OSBPL9: variants seen among roughly 807,000 people sequenced by gnomAD.
OSBPL9 encodes the protein oxysterol-binding protein-related protein 9.
A neutral mutation model predicts 106.6 loss-of-function variants in OSBPL9; 40 were observed. That is an observed-to-expected ratio of 0.38 (90% confidence interval 0.29 to 0.49). OSBPL9 has a LOEUF of 0.49. OSBPL9 is among the 20% of genes least tolerant of loss of function. The pLI is 0.97. For synonymous variants in OSBPL9, 269 were observed against 295.4 expected (o/e 0.91, Z 0.92); for missense variants, 609 against 887.2 (o/e 0.69, Z 3.98).
intron 2 of OSBPL9, among the ~76,000 whole-genome samples, chr1:51,604,851 C>T (rs1643931524): frequency 6.6e-6 from 1 of 151,870 alleles, no homozygotes; most frequent in Non-Finnish European, 1.5e-5. Context: ...CGGGGTTTCA[C>T]ATGTTGGTCA....
Position 51,781,161 on chromosome 1 carries a change from C to T in OSBPL9, c.1257-3C>T, listed in dbSNP as rs1273331166. The T allele has an allele frequency of 6.2e-7, 1 of 1,613,610 alleles. No homozygotes were observed. On this transcript the variant is annotated splice_polypyrimidine_tract_variant and splice_region_variant and intron_variant, in intron 15 of 23. Coordinates refer to ENST00000428468, the MANE Select transcript of OSBPL9 (RefSeq NM_024586.6). ...CATTAAATTTTGTCTTTCTCCCTTG[C>T]AGCATTAGTGACCAGAAGGATCCCA...
At chr1:51,588,372 A>G (rs757870160) in intron 1 of OSBPL9, among the ~76,000 whole-genome samples, 1 of 152,164 alleles carries the variant, frequency 6.6e-6, no homozygotes, top group Admixed American at 6.5e-5. Flanking sequence ...ACAAGAGCAA[A>G]ACTCTGTCTC....
At chr1:51,704,031 A>G (rs368353800) in intron 3 of OSBPL9, among the ~76,000 whole-genome samples, 2 of 152,196 alleles carry the variant, frequency 1.3e-5, no homozygotes, top group Non-Finnish European at 2.9e-5. Flanking sequence ...TGCTGGATTC[A>G]GTTTGCCAGT....
At chr1:51,597,119 T>C (rs551454805) in intron 1 of OSBPL9, among the ~76,000 whole-genome samples, 1 of 152,184 alleles carries the variant, frequency 6.6e-6, no homozygotes, top group Non-Finnish European at 1.5e-5. Context: ...GTTTGTCACA[T>C]TTGAGCATCA....
At chr1:51,710,937 G>A (rs72898067) in intron 3 of OSBPL9, among the ~76,000 whole-genome samples, 19,079 of 152,030 alleles carry the variant, frequency 0.13, 1,318 homozygotes, top group Middle Eastern at 0.22. Context: ...CAGTGCTTCC[G>A]TGCCATGCTC....
chr1:51,562,488 ATTTC>A, the OSBPL9 span, among the ~76,000 whole-genome samples: 7 of 152,174 alleles, frequency 4.6e-5, no homozygotes, highest in Admixed American at 4.6e-4. Flanking sequence ...AGTCTCAGGT[ATTTC>A]TTTATAGCAA....
intron 3 of OSBPL9, among the ~76,000 whole-genome samples, chr1:51,674,421 A>G (rs1650685907): frequency 1.3e-5 from 2 of 152,138 alleles, no homozygotes; most frequent in African/African-American, 2.4e-5. Flanking sequence ...GGTGTTAGCC[A>G]TTGTGCCTCA....
the OSBPL9 span, among the ~76,000 whole-genome samples, chr1:51,542,280 T>C: frequency 6.6e-6 from 1 of 152,186 alleles, no homozygotes; most frequent in Non-Finnish European, 1.5e-5. Flanking sequence ...ATTTAACAAA[T>C]AATAAAACTG....
At chr1:51,713,860 T>C in intron 3 of OSBPL9, 143 bp from the exon 4 acceptor site, 5 of 582,018 alleles carry the variant, frequency 8.6e-6, no homozygotes, top group South Asian at 3.0e-5. Context: ...AAAATATTAA[T>C]AGATCAAGCT....
rs1657317863 is a variant in OSBPL9 at position 51,701,786 on chromosome 1, A to G, written c.242-12217A>G. On this transcript the variant is annotated intron_variant, in intron 3 of 23. Transcript: ENST00000428468. ...AACATTAGGTATATATCCTAATGCTATCCCTCCCCGCTCTGCCCACCCCAC... is the reference window on the plus strand; with the variant it reads ...AACATTAGGTATATATCCTAATGCTGTCCCTCCCCGCTCTGCCCACCCCAC... Among the ~76,000 whole-genome samples the G allele has an allele frequency of 2.6e-5, 4 of 152,006 alleles. 1 individual carries two copies. Among genetic ancestry groups the G allele is most frequent in the Admixed American group, 2.0e-4 (3 of 15,264 alleles).
rs530107114 is a variant in OSBPL9 at position 51,697,524 on chromosome 1, C to G, written c.242-16479C>G. On this transcript the variant is annotated intron_variant, in intron 3 of 23. Transcript: ENST00000428468. ...ATAACCACTTTATTTTGTATACAGGCAGTAATATATTCACAGTTGTTTGTG... is the reference window on the plus strand; with the variant it reads ...ATAACCACTTTATTTTGTATACAGGGAGTAATATATTCACAGTTGTTTGTG... Among the ~76,000 whole-genome samples, 3 of 139,874 alleles carry G rather than the reference C, an allele frequency of 2.1e-5. No individual in the cohort carries two copies. The South Asian group carries it at 6.7e-4, about 31-fold the overall frequency. 91.8% of individuals were successfully genotyped at this position (139,874 alleles called of 152,430 possible). A position where few individuals can be genotyped will look rare whatever the true frequency, so the allele number is the denominator to read the frequency against.
chr1:51,715,892 G>T (rs1660966820), intron 4 of OSBPL9, among the ~76,000 whole-genome samples: 1 of 151,998 alleles, frequency 6.6e-6, no homozygotes, highest in Non-Finnish European at 1.5e-5. Flanking sequence ...CTGCCGACTG[G>T]CCTTTCCTTC....
At chr1:51,543,174 T>C in the OSBPL9 span, among the ~76,000 whole-genome samples, 29 of 152,344 alleles carry the variant, frequency 1.9e-4, no homozygotes, top group Admixed American at 1.8e-3. Context: ...ATTTATTGTA[T>C]CTCAGAGATG....
intron 3 of OSBPL9, among the ~76,000 whole-genome samples, chr1:51,697,161 C>CA (rs1656198208): frequency 7.2e-6 from 1 of 138,086 alleles, no homozygotes; most frequent in Non-Finnish European, 1.6e-5. Flanking sequence ...CCGTATTTCT[C>CA]AAAAAAAGAA....
chr1:51,722,404 G>A (rs1662326826), intron 4 of OSBPL9, among the ~76,000 whole-genome samples: 1 of 152,172 alleles, frequency 6.6e-6, no homozygotes. Context: ...AAGTGGTACT[G>A]AAAGGCTCAT....
intron 8 of OSBPL9, among the ~76,000 whole-genome samples, chr1:51,752,070 C>G (rs768074045): frequency 1.3e-5 from 2 of 151,938 alleles, no homozygotes; most frequent in African/African-American, 4.8e-5. Context: ...TAAATGAGAC[C>G]GTGTCACTTG....
At chr1:51,777,196 G>C (rs541350635) in intron 15 of OSBPL9, among the ~76,000 whole-genome samples, 1 of 152,240 alleles carries the variant, frequency 6.6e-6, no homozygotes, top group Non-Finnish European at 1.5e-5. Context: ...TTTAATCCAG[G>C]CACTGGCAAT....
At chr1:51,779,308 C>A (rs1368287778) in intron 15 of OSBPL9, among the ~76,000 whole-genome samples, 1 of 152,168 alleles carries the variant, frequency 6.6e-6, no homozygotes, top group African/African-American at 2.4e-5. Flanking sequence ...GAAAAGGACA[C>A]CCTTCTCAAC....
chr1:51,697,066 A>T (rs1339159233), intron 3 of OSBPL9, among the ~76,000 whole-genome samples: 1 of 152,004 alleles, frequency 6.6e-6, no homozygotes, highest in Admixed American at 6.6e-5. Flanking sequence ...AGATTGAAGC[A>T]GGAGGATCGC....
Sources: gnomAD v4.1 joint callset for allele counts (sites outside exome capture counted in the v4.1 genomes callset) on GRCh38, gnomAD v4.1.1 for gene constraint, MANE v1.5 for transcripts, NCBI Gene and HGNC (gene_info 2026-07-23, HGNC 2026-07-21) for gene names.